Variants in SESTD1 observed in about 807,000 individuals in gnomAD.
SESTD1 encodes SEC14 and spectrin domain containing 1.
A neutral mutation model predicts 101.7 loss-of-function variants in SESTD1; 43 were observed. The observed-to-expected ratio is 0.42, with a 90% CI of 0.33 to 0.55. The LOEUF is 0.55. Ranked by LOEUF, SESTD1 falls within the 20% of genes least tolerant of loss-of-function variation. The pLI, the probability that SESTD1 is intolerant of heterozygous loss-of-function variation, is 0.07. For missense variants in SESTD1, 647 were observed against 815.1 expected (o/e 0.79, Z 2.51); for synonymous variants, 283 against 286.8 (o/e 0.99, Z 0.13).
At chr2:179,175,756 AAT>A (rs1351111969) in intron 4 of SESTD1, among the ~76,000 whole-genome samples, 1 of 152,202 alleles carries the variant, frequency 6.6e-6, no homozygotes, top group East Asian at 1.9e-4. Context: ...CCTTAAAATA[AAT>A]CAACAAATGT....
intron 15 of SESTD1, among the ~76,000 whole-genome samples, chr2:179,116,273 TA>T (rs371896290): frequency 4.0e-3 from 553 of 139,012 alleles, no homozygotes; most frequent in Admixed American, 3.4e-3. Context: ...GACTGTGTCT[TA>T]AAAAAAAAAA....
At chr2:179,256,305 A>G (rs970314177) in intron 1 of SESTD1, among the ~76,000 whole-genome samples, 4 of 152,250 alleles carry the variant, frequency 2.6e-5, no homozygotes, top group Non-Finnish European at 5.9e-5. Context: ...TCTAGACTCC[A>G]TTAAGAACAT....
rs2046310254 is a variant in SESTD1 at position 179,190,929 on chromosome 2, T to C, written c.55+858A>G. The stretch of plus-strand genomic sequence containing the variant: ...AATGCGTATACACTGTTGGTGGTCA[T>C]GTAAATTAGTTCAGTAACTGGAGAA... On this transcript the variant is annotated intron_variant, in intron 2 of 17. Transcript: ENST00000428443. Among the ~76,000 whole-genome samples the C allele has an allele frequency of 2.0e-5, 3 of 152,228 alleles. No homozygotes were observed. In the South Asian group the frequency reaches 6.2e-4, roughly 31 times the overall value.
intron 6 of SESTD1, among the ~76,000 whole-genome samples, chr2:179,150,587 C>T (rs565451677): frequency 2.6e-5 from 4 of 151,756 alleles, no homozygotes; most frequent in African/African-American, 7.3e-5. Flanking sequence ...TTTGGAAGGC[C>T]GAGGCAGGTG....
chr2:179,221,118 A>C (rs1368446014), intron 1 of SESTD1, among the ~76,000 whole-genome samples: 2 of 152,202 alleles, frequency 1.3e-5, no homozygotes, highest in Admixed American at 1.3e-4. Context: ...TTGTCTGTAT[A>C]ATGTAAATAT....
Position 179,196,899 on chromosome 2 carries a change from G to A in SESTD1, c.-25-5033C>T, listed in dbSNP as rs142157247. Reference sequence around the variant, plus strand: ...AACGGGAAACTCTGAAAAGCAGAGCGCCTCTCCTCCTCCAAAGGAACGCAG... The same window carrying A: ...AACGGGAAACTCTGAAAAGCAGAGCACCTCTCCTCCTCCAAAGGAACGCAG... On this transcript the variant is annotated intron_variant, in intron 1 of 17. Transcript: ENST00000428443. Among the ~76,000 whole-genome samples, 1,482 of 152,312 alleles carry A rather than the reference G, an allele frequency of 9.7e-3. 9 individuals carry two copies. Among genetic ancestry groups the A allele is most frequent in the Non-Finnish European group, 0.015 (1,040 of 68,032 alleles).
At position 179,109,859 on chromosome 2, in the gene SESTD1, C is replaced by A. The variant is rs370840815; in HGVS notation, c.*40G>T. 2.5e-6 allele frequency: 4 copies of A among 1,605,636 alleles called. No homozygotes were observed. The highest frequency in any genetic ancestry group is 1.3e-5 in the African/African-American group (1 of 74,478). ...AATGCTGTAGTATGTTGACAACATG[C>A]GGGATTATGAACTGCAAATCTGTAG... On this transcript the variant is annotated 3_prime_UTR_variant, in exon 18 of 18. Coordinates refer to ENST00000428443, the MANE Select transcript of SESTD1 (RefSeq NM_178123.5).
At chr2:179,246,696 C>A (rs894128788) in intron 1 of SESTD1, among the ~76,000 whole-genome samples, 16 of 152,150 alleles carry the variant, frequency 1.1e-4, no homozygotes, top group Non-Finnish European at 1.8e-4. Context: ...CCAAGATAGA[C>A]CTGAGCAATA....
At chr2:179,135,103 C>A (rs900391881) in intron 9 of SESTD1, among the ~76,000 whole-genome samples, 2 of 152,076 alleles carry the variant, frequency 1.3e-5, no homozygotes. Flanking sequence ...CGCCACCACA[C>A]CTGGCTAATT....
intron 16 of SESTD1, among the ~76,000 whole-genome samples, chr2:179,114,715 CAA>C (rs1350478869): frequency 1.3e-5 from 2 of 152,004 alleles, no homozygotes; most frequent in Admixed American, 6.5e-5. Context: ...GTTGCCAAAG[CAA>C]AAAGTTTCCC....
intron 5 of SESTD1, among the ~76,000 whole-genome samples, chr2:179,156,619 T>C (rs987041709): frequency 6.6e-6 from 1 of 152,234 alleles, no homozygotes. Flanking sequence ...CATTTGTATA[T>C]CTTCTTTTGA....
chr2:179,155,070 G>A (rs1007959693), intron 5 of SESTD1, among the ~76,000 whole-genome samples: 1 of 151,970 alleles, frequency 6.6e-6, no homozygotes, highest in African/African-American at 2.4e-5. Flanking sequence ...GTGCCACCAT[G>A]CTCGGCTCAT....
At chr2:179,173,006 C>T (rs1378071103) in intron 4 of SESTD1, among the ~76,000 whole-genome samples, 1 of 152,178 alleles carries the variant, frequency 6.6e-6, no homozygotes, top group African/African-American at 2.4e-5. Context: ...CCAAGACCTA[C>T]AAGGCCCTTC....
At chr2:179,259,939 T>C (rs2047459371) in intron 1 of SESTD1, among the ~76,000 whole-genome samples, 1 of 152,216 alleles carries the variant, frequency 6.6e-6, no homozygotes, top group African/African-American at 2.4e-5. Context: ...TGTATTTAGA[T>C]ACCATTGTCT....
chr2:179,159,827 A>G (rs2045701184), intron 5 of SESTD1, among the ~76,000 whole-genome samples: 1 of 150,986 alleles, frequency 6.6e-6, no homozygotes, highest in African/African-American at 2.4e-5. Context: ...ATGACCCGGC[A>G]AAGAAGAAAA....
chr2:179,198,232 G>A (rs546472005), intron 1 of SESTD1, among the ~76,000 whole-genome samples: 2 of 152,260 alleles, frequency 1.3e-5, no homozygotes, highest in African/African-American at 4.8e-5. Flanking sequence ...ATGGTAAAGG[G>A]ATCAATTCAA....
In SESTD1 at chr2:179,103,352, A is replaced by C. The variant is rs960398232; in HGVS notation, c.*6547T>G. Reference sequence around the variant, plus strand: ...CTTTATGCACATCAAAATACAAAATACAGGGCACAATAAAACTGAACTGGA... The same window carrying C: ...CTTTATGCACATCAAAATACAAAATCCAGGGCACAATAAAACTGAACTGGA... On this transcript the variant is annotated 3_prime_UTR_variant, in exon 18 of 18. Transcript: ENST00000428443. 2.0e-5 allele frequency: 3 copies of C among 152,106 alleles called. No individual in the cohort carries two copies. The highest frequency in any genetic ancestry group is 7.2e-5 in the African/African-American group (3 of 41,424). 9.4% of individuals were successfully genotyped at this position (152,106 alleles called of 1,614,324 possible).
chr2:179,160,787 ACT>A (rs1182485684), intron 5 of SESTD1, among the ~76,000 whole-genome samples: 2 of 150,738 alleles, frequency 1.3e-5, no homozygotes, highest in African/African-American at 5.0e-5. Flanking sequence ...AATCTCATAC[ACT>A]CTCCATATCA....
intron 9 of SESTD1, among the ~76,000 whole-genome samples, chr2:179,135,315 T>C (rs114284115): frequency 0.033 from 5,003 of 152,264 alleles, 110 homozygotes; most frequent in Middle Eastern, 0.051. Context: ...TTTTTAAAGA[T>C]TAGTGATTGA....
Sources: gnomAD v4.1 joint callset for allele counts (sites outside exome capture counted in the v4.1 genomes callset) on GRCh38, gnomAD v4.1.1 for gene constraint, MANE v1.5 for transcripts, NCBI Gene and HGNC (gene_info 2026-07-23, HGNC 2026-07-21) for gene names.